SND1: variants seen among roughly 807,000 people sequenced by gnomAD.
SND1 encodes staphylococcal nuclease domain-containing protein 1.
In SND1, 38 loss-of-function variants were observed where a neutral mutation model predicts 121.7. The ratio of observed to expected loss-of-function variants is 0.31; its 90% CI spans 0.24 to 0.41. The LOEUF (loss-of-function observed/expected upper bound fraction) is 0.41. Among genes scored for constraint, SND1 ranks in the 10% least tolerant of loss-of-function variants. SND1 has a pLI of 1.00. For synonymous variants in SND1, 401 were observed against 447.4 expected (o/e 0.90, Z 1.31); for missense variants, 868 against 1,184.6 (o/e 0.73, Z 3.92).
intron 10 of SND1, among the ~76,000 whole-genome samples, chr7:127,728,613 TCTCTACCTTCCATTGTGAAGTCTCAC>T (rs528208040): frequency 6.6e-6 from 1 of 152,352 alleles, no homozygotes; most frequent in South Asian, 2.1e-4. Flanking sequence ...TTTGTGTACA[TCTCTACCTTCCATTGTGAAGTCTCAC>T]CTCTACCAAG....
chr7:127,958,639 C>T (rs1482094912), intron 15 of SND1, among the ~76,000 whole-genome samples: 2 of 152,168 alleles, frequency 1.3e-5, no homozygotes, highest in Non-Finnish European at 2.9e-5. Context: ...CTTAGCTTGA[C>T]CATTTTACCT....
intron 10 of SND1, among the ~76,000 whole-genome samples, chr7:127,756,640 A>G (rs1563002356): frequency 6.6e-6 from 1 of 152,010 alleles, no homozygotes; most frequent in Non-Finnish European, 1.5e-5. Context: ...TTCCTCTGGG[A>G]TCTTGCCCTC....
rs1278714325 is a variant in SND1, at chr7:128,007,041, A to C, written c.1779+15985A>C. 2.7e-5 allele frequency among the ~76,000 whole-genome samples: 4 copies of C among 150,128 alleles called. No homozygotes were observed. In the South Asian group the frequency reaches 8.3e-4, roughly 31 times the overall value. ...AGTAGCGAGATTTTGTTAGAAACCCAGTGTTGCTGTGTCAGGTAGCTCTGC... is the reference window on the plus strand; with the variant it reads ...AGTAGCGAGATTTTGTTAGAAACCCCGTGTTGCTGTGTCAGGTAGCTCTGC... On this transcript the variant is annotated intron_variant, in intron 16 of 23. Coordinates refer to ENST00000354725, the MANE Select transcript of SND1 (RefSeq NM_014390.4).
chr7:127,985,962 T>C (rs1223778796), intron 15 of SND1, among the ~76,000 whole-genome samples: 1 of 152,230 alleles, frequency 6.6e-6, no homozygotes, highest in Non-Finnish European at 1.5e-5. Context: ...CTCCTTCAGC[T>C]AATGCCTGGT....
chr7:127,882,116 A>G (rs1471852958), intron 12 of SND1, among the ~76,000 whole-genome samples: 1 of 151,810 alleles, frequency 6.6e-6, no homozygotes, highest in Non-Finnish European at 1.5e-5. Flanking sequence ...TGAGCCAAGC[A>G]TGGTGGCATG....
chr7:127,813,024 ATT>A (rs1213334631), intron 11 of SND1, among the ~76,000 whole-genome samples: 3 of 152,214 alleles, frequency 2.0e-5, no homozygotes, highest in Non-Finnish European at 4.4e-5. Flanking sequence ...TTGTGAATGC[ATT>A]GTGATTTAAA....
intron 9 of SND1, among the ~76,000 whole-genome samples, chr7:127,713,760 C>T (rs1345498407): frequency 1.3e-5 from 2 of 152,210 alleles, no homozygotes; most frequent in East Asian, 3.8e-4. Context: ...TTCTCTGATA[C>T]ATGTGGCCTA....
intron 11 of SND1, among the ~76,000 whole-genome samples, chr7:127,810,882 A>G (rs1385333209): frequency 6.6e-6 from 1 of 152,200 alleles, no homozygotes; most frequent in Non-Finnish European, 1.5e-5. Flanking sequence ...TTCTATCACC[A>G]TGGGAACCAT....
At chr7:128,068,022 C>T (rs997794730) in intron 16 of SND1, among the ~76,000 whole-genome samples, 4 of 152,132 alleles carry the variant, frequency 2.6e-5, no homozygotes, top group East Asian at 3.9e-4. Flanking sequence ...TCACCCTCCC[C>T]GCAACTTCAC....
At chr7:128,072,010 G>A (rs1332077283) in intron 16 of SND1, among the ~76,000 whole-genome samples, 2 of 152,196 alleles carry the variant, frequency 1.3e-5, no homozygotes, top group Admixed American at 6.5e-5. Context: ...AGGAGAGCCC[G>A]GCTGCACCCT....
intron 12 of SND1, among the ~76,000 whole-genome samples, chr7:127,876,711 C>G (rs1799697758): frequency 1.3e-5 from 2 of 152,106 alleles, no homozygotes; most frequent in Admixed American, 6.5e-5. Context: ...ATGTAGTTTA[C>G]TTTCTTCAAG....
At chr7:127,785,298 C>A (rs1424732560) in intron 10 of SND1, among the ~76,000 whole-genome samples, 2 of 152,196 alleles carry the variant, frequency 1.3e-5, no homozygotes, top group African/African-American at 2.4e-5. Flanking sequence ...GAAACAAGGG[C>A]TAGTCATGAA....
At chr7:128,004,502 C>G (rs1405033743) in intron 16 of SND1, among the ~76,000 whole-genome samples, 1 of 152,190 alleles carries the variant, frequency 6.6e-6, no homozygotes, top group African/African-American at 2.4e-5. Flanking sequence ...CCCCATTGGA[C>G]TAAACTTTGG....
intron 10 of SND1, among the ~76,000 whole-genome samples, chr7:127,759,028 T>C (rs1797249168): frequency 6.6e-6 from 1 of 151,120 alleles, no homozygotes; most frequent in Non-Finnish European, 1.5e-5. Flanking sequence ...CACTCTGGCC[T>C]GGGCGACATA....
chr7:127,769,486 C>G (rs767432187), intron 10 of SND1, among the ~76,000 whole-genome samples: 29 of 152,312 alleles, frequency 1.9e-4, no homozygotes, highest in Middle Eastern at 3.4e-3. Flanking sequence ...TGCTATTTCT[C>G]TCTAGCAACC....
intron 16 of SND1, chr7:128,008,148 A>G (rs1353519102): frequency 6.6e-6 from 1 of 152,244 alleles, no homozygotes; most frequent in East Asian, 1.9e-4. Flanking sequence ...AGAAGAGGTA[A>G]GCGGGTGCAT....
At chr7:127,799,702 A>G (rs1434215520) in intron 10 of SND1, among the ~76,000 whole-genome samples, 1 of 152,184 alleles carries the variant, frequency 6.6e-6, no homozygotes, top group Non-Finnish European at 1.5e-5. Flanking sequence ...TGCTAAATGT[A>G]TTGCGTTGCT....
intron 7 of SND1, 141 bp downstream of exon 7, chr7:127,703,464 A>T: frequency 9.8e-7 from 1 of 1,022,312 alleles, no homozygotes; most frequent in Non-Finnish European, 1.4e-6. Flanking sequence ...CTGTAATCCC[A>T]CCACTTTGGG....
intron 10 of SND1, among the ~76,000 whole-genome samples, chr7:127,723,547 T>G (rs1275074993): frequency 6.6e-6 from 1 of 152,168 alleles, no homozygotes; most frequent in Non-Finnish European, 1.5e-5. Flanking sequence ...TTGGAAGAGT[T>G]TACTGAAGGG....
Sources: allele counts gnomAD v4.1 joint callset (sites outside exome capture counted in the v4.1 genomes callset), GRCh38; gene constraint gnomAD v4.1.1; transcripts MANE v1.5; gene names NCBI Gene and HGNC (gene_info 2026-07-23, HGNC 2026-07-21).